Variants in RBFOX1 observed in about 807,000 individuals in gnomAD.
RBFOX1 encodes RNA binding protein fox-1 homolog 1.
Under a neutral mutation model 57.7 loss-of-function variants are expected in RBFOX1, and 8 were observed. The ratio of observed to expected loss-of-function variants is 0.14; its 90% confidence interval spans 0.08 to 0.25. The LOEUF is 0.25. Ranked by LOEUF, RBFOX1 falls within the 10% of genes least tolerant of loss-of-function variation. The pLI is 1.00. For synonymous variants in RBFOX1, 326 were observed against 222.4 expected, an observed-to-expected ratio of 1.47 and a Z score of -4.15; for missense variants, 611 against 548.5, an observed-to-expected ratio of 1.11 and a Z score of -1.14.
intron 4 of RBFOX1, among the ~76,000 whole-genome samples, chr16:5,968,103 C>A (rs1434177911): frequency 6.6e-6 from 1 of 152,138 alleles, no homozygotes; most frequent in Non-Finnish European, 1.5e-5. Context: ...GAGATAGAGT[C>A]TTGCTCTATC....
chr16:7,197,516 A>C (rs988963408), intron 4 of RBFOX1, among the ~76,000 whole-genome samples: 1 of 151,672 alleles, frequency 6.6e-6, no homozygotes, highest in Non-Finnish European at 1.5e-5. Context: ...CTGTGTGGCC[A>C]TGCCTTAAAA....
chr16:6,643,451 G>T (rs1381618927), intron 2 of RBFOX1, among the ~76,000 whole-genome samples: 2 of 151,944 alleles, frequency 1.3e-5, no homozygotes, highest in Non-Finnish European at 2.9e-5. Flanking sequence ...TGTTTTTGCG[G>T]TTGGAGGATT....
chr16:6,617,136 T>C (rs1313666461), intron 2 of RBFOX1, among the ~76,000 whole-genome samples: 1 of 152,028 alleles, frequency 6.6e-6, no homozygotes, highest in East Asian at 2.0e-4. Context: ...ACTTAAGTGG[T>C]ACAAGGAGAG....
chr16:6,384,624 T>C (rs1035709386), intron 2 of RBFOX1, among the ~76,000 whole-genome samples: 5 of 152,222 alleles, frequency 3.3e-5, no homozygotes, highest in Admixed American at 2.0e-4. Flanking sequence ...CGTCTCCTTT[T>C]GCAATTACAG....
At chr16:5,477,970 G>C (rs979746854) in intron 2 of RBFOX1, among the ~76,000 whole-genome samples, 2 of 152,054 alleles carry the variant, frequency 1.3e-5, no homozygotes, top group Non-Finnish European at 2.9e-5. Flanking sequence ...GCATCACCGT[G>C]GCCCACCTCA....
intron 14 of RBFOX1, among the ~76,000 whole-genome samples, chr16:7,687,995 A>G (rs2076430159): frequency 6.6e-6 from 1 of 152,042 alleles, no homozygotes; most frequent in South Asian, 2.1e-4. Context: ...TTGGTATTTT[A>G]TTTAAAAAAC....
At chr16:7,054,892 C>A (rs1336977902) in intron 4 of RBFOX1, among the ~76,000 whole-genome samples, 1 of 152,136 alleles carries the variant, frequency 6.6e-6, no homozygotes, top group African/African-American at 2.4e-5. Context: ...TTTTCCTTGG[C>A]CTCCTGGAAA....
chr16:5,956,674 A>AT (rs1479571823), intron 4 of RBFOX1, among the ~76,000 whole-genome samples: 11 of 89,216 alleles, frequency 1.2e-4, no homozygotes, highest in African/African-American at 6.4e-4. Context: ...ATATATATAT[A>AT]TATATTTTTT....
intron 1 of RBFOX1, among the ~76,000 whole-genome samples, chr16:6,113,618 C>G (rs1474821635): frequency 6.6e-6 from 1 of 152,156 alleles, no homozygotes; most frequent in Non-Finnish European, 1.5e-5. Context: ...TGAAGTCATG[C>G]TCTCTGTTCC....
Position 7,430,815 on chromosome 16 carries a change from CTT to C in RBFOX1, c.28-87328_28-87327del, listed in dbSNP as rs567617233. Among the ~76,000 whole-genome samples the C allele has an allele frequency of 1.5e-3, 222 of 152,290 alleles. 4 individuals carry two copies. The highest frequency in any genetic ancestry group is 0.013 in the Admixed American group (203 of 15,296). ...GGATGGCCAAGTGCAAGTCACTTAA[CTT>C]TTTATAATCTAAGCATCCTTATTCA... On this transcript the variant is annotated intron_variant, in intron 4 of 15. Transcript: ENST00000550418.
At chr16:5,291,484 G>A (rs2063534531) in intron 1 of RBFOX1, among the ~76,000 whole-genome samples, 1 of 152,012 alleles carries the variant, frequency 6.6e-6, no homozygotes, top group South Asian at 2.1e-4. Flanking sequence ...AGAATGGTCT[G>A]GATCTCCCTA....
intron 4 of RBFOX1, among the ~76,000 whole-genome samples, chr16:7,372,605 T>C (rs1056035388): frequency 2.0e-5 from 3 of 152,092 alleles, no homozygotes; most frequent in African/African-American, 7.2e-5. Flanking sequence ...TCAGAATCAA[T>C]TAGTAATGTC....
intron 2 of RBFOX1, among the ~76,000 whole-genome samples, chr16:6,554,033 T>TATGAATGAATGAATGAACGAATGA (rs1555546413): frequency 8.1e-4 from 123 of 151,922 alleles, no homozygotes; most frequent in African/African-American, 2.8e-3. Context: ...GTTTTGAAAG[T>TATGAATGAATGAATGAACGAATGA]ATGAATGAAT....
chr16:6,959,330 C>G (rs1183863201), intron 3 of RBFOX1, among the ~76,000 whole-genome samples: 1 of 152,116 alleles, frequency 6.6e-6, no homozygotes, highest in Non-Finnish European at 1.5e-5. Context: ...CTCTCAGAAA[C>G]TATTGTTTTC....
At chr16:7,100,295 T>C (rs912175564) in intron 4 of RBFOX1, among the ~76,000 whole-genome samples, 1 of 152,184 alleles carries the variant, frequency 6.6e-6, no homozygotes, top group African/African-American at 2.4e-5. Context: ...AAAAGAACCC[T>C]GACTCTTTCT....
In RBFOX1 at chr16:5,947,176, A is replaced by C. The variant is rs936506980; in HGVS notation, c.351+79841A>C. ...GGTTGCAGCGAGCCGTGATTCTGCC[A>C]CTGCTCTCCAGCCTGGGTGGCAGAG... On this transcript the variant is annotated intron_variant, in intron 4 of 19. Transcript: ENST00000641259. This position sits in a 1 kb window ranked among gnomAD's most constrained non-coding sequence, Gnocchi z 7.2. Among the ~76,000 whole-genome samples the C allele has an allele frequency of 6.6e-6, 1 of 152,188 alleles. No individual in the cohort carries two copies. The highest frequency in any genetic ancestry group is 2.1e-4 in the South Asian group (1 of 4,836).
chr16:6,085,694 A>T (rs557901713), intron 1 of RBFOX1, among the ~76,000 whole-genome samples: 4 of 149,070 alleles, frequency 2.7e-5, no homozygotes, highest in African/African-American at 9.8e-5. Flanking sequence ...GCGCGCACGC[A>T]CATGCACGTA....
In RBFOX1 at chr16:6,999,846, C is replaced by T. The variant is rs970785354; in HGVS notation, c.-15-52211C>T. Among the ~76,000 whole-genome samples the T allele has an allele frequency of 5.3e-5, 8 of 151,914 alleles. No homozygotes were observed. In the East Asian group the frequency reaches 7.7e-4, roughly 15 times the overall value. On this transcript the variant is annotated intron_variant, in intron 3 of 15. Transcript: ENST00000550418. Reference sequence around the variant, plus strand: ...CAGTATTTTGGGAGGCTGAGGTGAGCGGATCACTTGAGGTCAGGAGTTTGA... The same window carrying T: ...CAGTATTTTGGGAGGCTGAGGTGAGTGGATCACTTGAGGTCAGGAGTTTGA...
intron 3 of RBFOX1, among the ~76,000 whole-genome samples, chr16:6,931,277 C>T (rs890943288): frequency 1.6e-5 from 2 of 121,938 alleles, no homozygotes; most frequent in Non-Finnish European, 3.5e-5. Context: ...AAAAATCTAT[C>T]TATCTGTCTG....
Sources: gnomAD v4.1 joint callset for allele counts (sites outside exome capture counted in the v4.1 genomes callset) on GRCh38, gnomAD v4.1.1 for gene constraint, Gnocchi (gnomAD v3.1) non-coding constraint, MANE v1.5 for transcripts, NCBI Gene and HGNC (gene_info 2026-07-23, HGNC 2026-07-21) for gene names.